The following DLEC1 variants were observed in gnomAD, a reference collection of about 807,000 sequenced individuals.
DLEC1 encodes the protein DLEC1 cilia and flagella associated protein, also known as deleted in lung and esophageal cancer protein 1.
A neutral mutation model predicts 198.1 loss-of-function variants in DLEC1; 146 were observed. The ratio of observed to expected loss-of-function variants is 0.74; its 90% CI spans 0.64 to 0.85. The LOEUF (loss-of-function observed/expected upper bound fraction) is 0.85. DLEC1 is among the 40% of genes least tolerant of loss of function. The probability of loss-of-function intolerance (pLI) is 0.00; values close to 1 mark genes in which losing one functional copy is unlikely to be tolerated. For synonymous variants in DLEC1, 897 were observed against 866.8 expected (o/e 1.03, Z -0.61); for missense variants, 2,233 against 2,220.0 (o/e 1.01, Z -0.12).
Position 38,045,221 on chromosome 3 carries a change from G to A in DLEC1, c.412-322G>A, listed in dbSNP as rs1480077964. ...CTAGGGAGCAAGTCCTTCCTTGAAC[G>A]TGGATCTGGGTGGCACCACAGGAAG... On this transcript the variant is annotated intron_variant, in intron 1 of 36. Transcript: ENST00000308059. 2.0e-5 allele frequency among the ~76,000 whole-genome samples: 3 copies of A among 152,200 alleles called. No individual in the cohort carries two copies. The East Asian group carries it at 5.8e-4, about 29-fold the overall frequency.
chr3:38,060,659 T>C (rs1696629695), intron 3 of DLEC1, among the ~76,000 whole-genome samples: 1 of 151,630 alleles, frequency 6.6e-6, no homozygotes, highest in South Asian at 2.1e-4. Context: ...AAGAAAGAGG[T>C]AGCAGAATCA....
intron 19 of DLEC1, among the ~76,000 whole-genome samples, chr3:38,106,058 C>A (rs1699551183): frequency 6.6e-6 from 1 of 152,146 alleles, no homozygotes; most frequent in Admixed American, 6.5e-5. Context: ...TGTAATATAG[C>A]TCAGCTCTAT....
At chr3:38,117,729 C>A in intron 32 of DLEC1, 77 bp from the exon 33 acceptor site, 1 of 1,591,964 alleles carries the variant, frequency 6.3e-7, no homozygotes, top group African/African-American at 1.3e-5. Flanking sequence ...CCAGCCCTCC[C>A]AGCCCTACCC....
intron 18 of DLEC1, among the ~76,000 whole-genome samples, chr3:38,099,642 C>T (rs996394667): frequency 6.6e-6 from 1 of 152,162 alleles, no homozygotes; most frequent in East Asian, 1.9e-4. Flanking sequence ...GGACAAGTGT[C>T]CTCTCTCAGT....
intron 2 of DLEC1, chr3:38,052,030 G>A (rs1438397003): frequency 1.0e-5 from 2 of 199,466 alleles, no homozygotes; most frequent in East Asian, 1.0e-4. Context: ...AAGTCATTGT[G>A]GCAGCCAAGT....
chr3:38,084,598 A>AGTGGTGGTGGTGGTG (rs1698331859), intron 7 of DLEC1, among the ~76,000 whole-genome samples: 1 of 15,554 alleles, frequency 6.4e-5, no homozygotes, highest in Admixed American at 6.7e-4. Flanking sequence ...TAGTAGTAGT[A>AGTGGTGGTGGTGGTG]GTAGCAGTAG....
Position 38,123,895 on chromosome 3 carries a change from G to GGAGGCT in DLEC1, c.*1495_*1500dup, listed in dbSNP as rs567256141. On this transcript the variant is annotated 3_prime_UTR_variant, in exon 37 of 37. Transcript: ENST00000308059. ...AGACACCTATAATCCCAGATACTCGGGAGGCTGAGGCTGAGGCAGGAAAAT... is the reference window on the plus strand; with the variant it reads ...AGACACCTATAATCCCAGATACTCGGGAGGCTGAGGCTGAGGCTGAGGCAGGAAAAT... The GGAGGCT allele has an allele frequency of 2.6e-5, 4 of 151,802 alleles. No homozygotes were observed. Among genetic ancestry groups the GGAGGCT allele is most frequent in the Non-Finnish European group, 4.4e-5 (3 of 67,970 alleles). 9.4% of individuals were successfully genotyped at this position (151,802 alleles called of 1,614,324 possible).
chr3:38,103,462 C>G (rs1289697489), intron 19 of DLEC1: 5 of 152,254 alleles, frequency 3.3e-5, no homozygotes, highest in African/African-American at 1.2e-4. Flanking sequence ...AACCTGATCA[C>G]ATTATTTCTT....
Position 38,062,352 on chromosome 3 carries a change from C to A in DLEC1, c.857C>A (p.Thr286Asn). The part of the protein sequence containing the change: ...WNLTPKAKER[T>N]REPLKKASQP... ...TTAACTCCTAAGGCCAAAGAAAGGA[C>A]CAGAGAACCTCTCAAGGTCAGTTTG... Residue 286 changes from threonine to asparagine, a missense_variant, in exon 4 of 37, where the codon ACC becomes AAC. By Grantham distance (65) the Thr-to-Asn change is moderately conservative. Coordinates refer to ENST00000308059, the MANE Select transcript of DLEC1 (RefSeq NM_007335.4). 1 of 1,614,130 alleles carries A rather than the reference C, an allele frequency of 6.2e-7. No homozygotes were observed.
At chr3:38,084,287 A>G (rs1698232540) in intron 7 of DLEC1, 42 bp downstream of exon 7, 2 of 1,555,168 alleles carry the variant, frequency 1.3e-6, no homozygotes, top group Non-Finnish European at 1.8e-6. Context: ...TAGTGGTAAT[A>G]GTAGTGGTGG....
intron 19 of DLEC1, among the ~76,000 whole-genome samples, chr3:38,101,120 T>C (rs1288531600): frequency 3.3e-5 from 5 of 152,168 alleles, no homozygotes; most frequent in Admixed American, 1.3e-4. Context: ...CCATATCCCC[T>C]ATCTCCTTCT....
At chr3:38,069,922 C>G (rs1437203110) in intron 6 of DLEC1, among the ~76,000 whole-genome samples, 1 of 152,092 alleles carries the variant, frequency 6.6e-6, no homozygotes, top group Non-Finnish European at 1.5e-5. Flanking sequence ...ATATTTATGT[C>G]AATTTTTATC....
intron 27 of DLEC1, among the ~76,000 whole-genome samples, chr3:38,115,630 CCT>C (rs532313713): frequency 3.0e-4 from 46 of 151,972 alleles, no homozygotes; most frequent in Admixed American, 6.6e-4. Flanking sequence ...CATGCCTGCC[CCT>C]GAGGAGAGCT....
rs764476993 is a variant in DLEC1 at position 38,121,965 on chromosome 3, A to G, written c.5021-106A>G. On this transcript the variant is annotated intron_variant, in intron 35 of 36. Transcript: ENST00000308059. ...TGATCTCAGGGTTGCCCTGCCCTGC[A>G]GTGCTGAGCAAGACCAGAGGTACAG... 2.2e-4 allele frequency: 340 copies of G among 1,545,802 alleles called. 1 individual carries two copies. Among genetic ancestry groups the G allele is most frequent in the Admixed American group, 7.4e-4 (40 of 53,706 alleles).
intron 9 of DLEC1, among the ~76,000 whole-genome samples, chr3:38,086,827 C>T (rs936138298): frequency 2.6e-5 from 4 of 152,166 alleles, no homozygotes; most frequent in Non-Finnish European, 5.9e-5. Flanking sequence ...GTAATCCCAG[C>T]ACTTTGGGAG....
intron 23 of DLEC1, 116 bp from the exon 24 acceptor site, chr3:38,111,561 A>G: frequency 9.4e-7 from 1 of 1,058,966 alleles, no homozygotes; most frequent in Non-Finnish European, 1.4e-6. Context: ...AAGAGCAGGC[A>G]GGGCCACCTT....
rs1322509251 is a variant in DLEC1, at chr3:38,045,689, T to G, written c.558T>G (p.Pro186=). 2 of 1,610,518 alleles carry G rather than the reference T, an allele frequency of 1.2e-6. No homozygotes were observed. Among genetic ancestry groups the G allele is most frequent in the Admixed American group, 3.4e-5 (2 of 59,208 alleles). The change falls in exon 2 of 37, where the codon CCT becomes CCG. Residue 186 remains proline (P), a synonymous_variant. Coordinates refer to ENST00000308059, the MANE Select transcript of DLEC1 (RefSeq NM_007335.4). ...VQDLESLVRL[P]PVKSVSRWCI... ...ACCTCGAGAGCCTTGTCAGGTTGCC[T>G]CCAGGTGTGTATAAAGAACTCCCAC... is the stretch of plus-strand genomic sequence containing the variant.
intron 7 of DLEC1, 132 bp from the exon 8 acceptor site, chr3:38,085,142 A>G (rs2125674420): frequency 1.1e-6 from 1 of 950,812 alleles, no homozygotes; most frequent in East Asian, 2.4e-5. Context: ...TTTTCCTGCC[A>G]TCAGCGTGGC....
chr3:38,041,284 G>A (rs1320176705), intron 1 of DLEC1, among the ~76,000 whole-genome samples: 1 of 151,834 alleles, frequency 6.6e-6, no homozygotes, highest in African/African-American at 2.4e-5. Flanking sequence ...TTACAGGCAT[G>A]AGCCACCACA....
Sources: allele counts gnomAD v4.1 joint callset (sites outside exome capture counted in the v4.1 genomes callset), GRCh38; gene constraint gnomAD v4.1.1; transcripts MANE v1.5; gene names NCBI Gene and HGNC (gene_info 2026-07-23, HGNC 2026-07-21).